PFKP: variants seen among roughly 807,000 people sequenced by gnomAD.
PFKP encodes the protein phosphofructokinase, platelet, also known as ATP-dependent 6-phosphofructokinase, platelet type.
In PFKP, 101 loss-of-function variants were observed where a neutral mutation model predicts 94.3. The observed-to-expected ratio is 1.07, with a 90% confidence interval of 0.91 to 1.26. PFKP has a LOEUF of 1.26. Ranked by LOEUF, PFKP falls within the 50% of genes most tolerant of loss-of-function variation. The probability of loss-of-function intolerance (pLI) is 0.00; values close to 1 mark genes in which losing one functional copy is unlikely to be tolerated. For missense variants in PFKP, 1,145 were observed against 1,103.3 expected, an observed-to-expected ratio of 1.04 and a Z score of -0.53; for synonymous variants, 573 against 432.6, an observed-to-expected ratio of 1.32 and a Z score of -4.03.
intron 2 of PFKP, among the ~76,000 whole-genome samples, chr10:3,084,248 G>C (rs893615295): frequency 1.3e-5 from 2 of 152,220 alleles, no homozygotes; most frequent in African/African-American, 4.8e-5. Flanking sequence ...GCCCCGCGCA[G>C]GGAAGGCGGT....
intron 18 of PFKP, 113 bp downstream of exon 18, chr10:3,132,554 A>T (rs1838714100): frequency 1.4e-6 from 1 of 727,508 alleles, no homozygotes; most frequent in Non-Finnish European, 2.5e-6. Flanking sequence ...GCTAGAGTGC[A>T]CTACACACAC....
intron 17 of PFKP, among the ~76,000 whole-genome samples, chr10:3,131,135 T>A (rs886804074): frequency 6.6e-6 from 1 of 152,116 alleles, no homozygotes; most frequent in Non-Finnish European, 1.5e-5. Context: ...AGATGTTTTT[T>A]ATCAAAAAAT....
chr10:3,130,159 T>G (rs552368923), intron 17 of PFKP, among the ~76,000 whole-genome samples, 176 bp downstream of exon 17: 1 of 152,358 alleles, frequency 6.6e-6, no homozygotes, highest in Non-Finnish European at 1.5e-5. Context: ...GCGTGTCAGG[T>G]GACGGTGGGT....
intron 2 of PFKP, among the ~76,000 whole-genome samples, chr10:3,084,330 G>A (rs977696815): frequency 1.3e-5 from 2 of 149,242 alleles, no homozygotes; most frequent in South Asian, 4.2e-4. Context: ...GGTTTCCCCT[G>A]TCTGCTTTCT....
chr10:3,125,159 C>G (rs1564344509), intron 16 of PFKP: 2 of 1,350,942 alleles, frequency 1.5e-6, no homozygotes, highest in Non-Finnish European at 2.0e-6. Flanking sequence ...TTTGCATCCC[C>G]CTGTGTGTGG....
intron 2 of PFKP, among the ~76,000 whole-genome samples, chr10:3,091,357 G>C (rs1355372604): frequency 6.6e-6 from 1 of 152,118 alleles, no homozygotes; most frequent in Non-Finnish European, 1.5e-5. Flanking sequence ...TCCAAACCAA[G>C]CTGGGGCGAG....
chr10:3,122,961 G>A (rs960975201), intron 16 of PFKP, among the ~76,000 whole-genome samples: 1 of 152,178 alleles, frequency 6.6e-6, no homozygotes, highest in Non-Finnish European at 1.5e-5. Context: ...TCAGGATGTC[G>A]CCGTGTTGTG....
intron 3 of PFKP, among the ~76,000 whole-genome samples, chr10:3,100,344 G>T (rs537194189): frequency 1.3e-5 from 2 of 152,250 alleles, no homozygotes; most frequent in African/African-American, 4.8e-5. Flanking sequence ...GGTCACACTT[G>T]GTGCCAGTGA....
intron 20 of PFKP, among the ~76,000 whole-genome samples, chr10:3,135,012 G>T (rs1316781806): frequency 1.3e-5 from 2 of 151,522 alleles, no homozygotes; most frequent in Admixed American, 6.5e-5. Context: ...AGAACTGCAT[G>T]TTCGTAGAAC....
intron 1 of PFKP, among the ~76,000 whole-genome samples, chr10:3,072,822 G>A (rs912170813): frequency 3.3e-5 from 5 of 151,894 alleles, no homozygotes; most frequent in South Asian, 2.1e-4. Flanking sequence ...GTGAAGATAC[G>A]GTAACGTAGT....
chr10:3,120,216 G>C (rs141797517), intron 16 of PFKP, among the ~76,000 whole-genome samples, 172 bp downstream of exon 16: 1 of 152,046 alleles, frequency 6.6e-6, no homozygotes, highest in African/African-American at 2.4e-5. Context: ...GAAAATTTTT[G>C]ATCTCACTCC....
chr10:3,073,811 CTGTG>C (rs550068755), intron 1 of PFKP, among the ~76,000 whole-genome samples: 8 of 151,590 alleles, frequency 5.3e-5, no homozygotes, highest in South Asian at 2.1e-4. Context: ...GATTTTATTT[CTGTG>C]TGTGTGTGTG....
intron 2 of PFKP, among the ~76,000 whole-genome samples, chr10:3,092,723 C>A (rs1015527594): frequency 6.6e-6 from 1 of 152,152 alleles, no homozygotes; most frequent in Admixed American, 6.5e-5. Context: ...GATAGAAACC[C>A]TTCATTCTTC....
intron 20 of PFKP, 29 bp from the exon 21 acceptor site, chr10:3,135,707 T>G: frequency 7.4e-7 from 1 of 1,358,708 alleles, no homozygotes; most frequent in Non-Finnish European, 1.1e-6. Context: ...TGACAGGGTG[T>G]TATTAATCTT....
In PFKP at chr10:3,103,474, G is replaced by C. The variant is rs530537643; in HGVS notation, c.455-305G>C. On this transcript the variant is annotated intron_variant, in intron 4 of 21. Coordinates refer to ENST00000381125, the MANE Select transcript of PFKP (RefSeq NM_002627.5). ...CCCGCCTGGGCAACATAGAGTGTGG[G>C]TCTACAAAAAAAATTAAGAAATCAG... 1.1e-4 allele frequency among the ~76,000 whole-genome samples: 17 copies of C among 152,188 alleles called. 1 individual carries two copies. In the South Asian group the frequency reaches 2.7e-3, roughly 24 times the overall value.
chr10:3,132,236 C>T (rs1362785152), intron 17 of PFKP, 144 bp from the exon 18 acceptor site: 2 of 629,604 alleles, frequency 3.2e-6, no homozygotes, highest in Admixed American at 2.3e-5. Context: ...AGGAGGCTCC[C>T]CAAGACCCAA....
intron 2 of PFKP, among the ~76,000 whole-genome samples, chr10:3,098,696 T>C (rs1220146886): frequency 3.6e-5 from 4 of 110,512 alleles, no homozygotes; most frequent in Non-Finnish European, 7.8e-5. Context: ...AAAAAGGTAA[T>C]TGTCCTTGGG....
At chr10:3,131,862 G>A (rs61504481) in intron 17 of PFKP, among the ~76,000 whole-genome samples, 23,077 of 151,980 alleles carry the variant, frequency 0.15, 1,795 homozygotes, top group African/African-American at 0.19. Context: ...CCTCCCTCTT[G>A]TAATCCTCCT....
In PFKP at chr10:3,082,444, G is replaced by T; in HGVS notation, c.169G>T (p.Val57Leu). The change falls in exon 2 of 22, where the codon GTG (valine) becomes TTG (leucine). Residue 57 changes from valine (V) to leucine (L), a missense_variant. Transcript: ENST00000381125. The stretch of plus-strand genomic sequence containing the variant: ...CATGGGTATCTACGTGGGGGCCAAG[G>T]TGTACTTCATCTACGAGGTCAGTGT... ...VRMGIYVGAK[V>L]YFIYEGYQGM... The T allele has an allele frequency of 6.2e-7, 1 of 1,606,154 alleles. No homozygotes were observed. The highest frequency in any genetic ancestry group is 8.5e-7 in the Non-Finnish European group (1 of 1,174,922).
Sources: gnomAD v4.1 joint callset for allele counts (sites outside exome capture counted in the v4.1 genomes callset) on GRCh38, gnomAD v4.1.1 for gene constraint, MANE v1.5 for transcripts, NCBI Gene and HGNC (gene_info 2026-07-23, HGNC 2026-07-21) for gene names.